ENOX1: variants seen among roughly 807,000 people sequenced by gnomAD.
ENOX1 encodes the protein candidate growth-related and time keeping constitutive hydroquinone (NADH) oxidase.
A neutral mutation model predicts 82.5 loss-of-function variants in ENOX1; 42 were observed. The observed-to-expected ratio is 0.51, with a 90% CI of 0.40 to 0.66. ENOX1 has a LOEUF of 0.66. Among genes scored for constraint, ENOX1 ranks in the 30% least tolerant of loss-of-function variants. The pLI is 0.00. For synonymous variants in ENOX1, 271 were observed against 282.2 expected, an observed-to-expected ratio of 0.96 and a Z score of 0.40; for missense variants, 608 against 811.6, an observed-to-expected ratio of 0.75 and a Z score of 3.05.
chr13:43,411,099 G>C (rs1363747510), intron 5 of ENOX1, among the ~76,000 whole-genome samples: 1 of 152,086 alleles, frequency 6.6e-6, no homozygotes, highest in African/African-American at 2.4e-5. Flanking sequence ...CCCAGTGACC[G>C]ATCTGATTAT....
intron 2 of ENOX1, among the ~76,000 whole-genome samples, chr13:43,566,084 C>T (rs553189713): frequency 1.1e-4 from 17 of 152,226 alleles, no homozygotes; most frequent in African/African-American, 3.8e-4. Context: ...TGCATGTTTT[C>T]CTGAGCCAAG....
In ENOX1 at chr13:43,495,411, C is replaced by T. The variant is rs541622729; in HGVS notation, c.-218-11259G>A. Among the ~76,000 whole-genome samples the T allele has an allele frequency of 4.6e-5, 7 of 152,144 alleles. No homozygotes were observed. The South Asian group carries it at 8.3e-4, about 18-fold the overall frequency. On this transcript the variant is annotated intron_variant, in intron 2 of 16. Coordinates refer to ENST00000690772, the MANE Select transcript of ENOX1 (RefSeq NM_001347969.2). ...TACTTGAACTCTGTATATAATCATA[C>T]GGTATACCAGATAGCATATGTTCTT...
At chr13:43,491,018 C>A (rs754554402) in intron 2 of ENOX1, among the ~76,000 whole-genome samples, 66 of 152,138 alleles carry the variant, frequency 4.3e-4, no homozygotes, top group Non-Finnish European at 7.5e-4. Context: ...CTGGGTAATT[C>A]ATAAGCAAAA....
At chr13:43,407,650 C>T (rs2153595690) in intron 5 of ENOX1, among the ~76,000 whole-genome samples, 1 of 152,272 alleles carries the variant, frequency 6.6e-6, no homozygotes, top group Middle Eastern at 3.4e-3. Flanking sequence ...CTACTTATTG[C>T]ACATTAGCAT....
chr13:43,440,965 T>C (rs1174160710), intron 3 of ENOX1, among the ~76,000 whole-genome samples: 1 of 152,214 alleles, frequency 6.6e-6, no homozygotes, highest in Admixed American at 6.5e-5. Context: ...CTCTGTGGTA[T>C]TCTTGCCAAA....
chr13:43,389,989 T>C (rs2153581140), intron 5 of ENOX1, among the ~76,000 whole-genome samples: 1 of 152,238 alleles, frequency 6.6e-6, no homozygotes, highest in South Asian at 2.1e-4. Context: ...AAAGAACAAA[T>C]AACTTATGTG....
chr13:43,217,602 C>A (rs929704189), intron 16 of ENOX1, among the ~76,000 whole-genome samples: 1 of 152,088 alleles, frequency 6.6e-6, no homozygotes, highest in Admixed American at 6.5e-5. Context: ...CAAGCAAGTG[C>A]CCCCCTCACT....
At chr13:43,713,116 G>C (rs2087850424) in intron 1 of ENOX1, among the ~76,000 whole-genome samples, 2 of 152,138 alleles carry the variant, frequency 1.3e-5, no homozygotes, top group Admixed American at 6.5e-5. Context: ...AGAGTTTTTA[G>C]CATGAAGGGT....
intron 5 of ENOX1, among the ~76,000 whole-genome samples, chr13:43,373,979 A>G (rs2051426799): frequency 6.6e-6 from 1 of 152,180 alleles, no homozygotes; most frequent in Admixed American, 6.5e-5. Flanking sequence ...AATTCCTCAC[A>G]TGAAAAACAT....
intron 14 of ENOX1, among the ~76,000 whole-genome samples, chr13:43,259,071 T>C (rs1250158865): frequency 1.3e-5 from 2 of 152,164 alleles, no homozygotes; most frequent in African/African-American, 2.4e-5. Context: ...GTAACAGTAA[T>C]GTCTAACACA....
intron 12 of ENOX1, among the ~76,000 whole-genome samples, chr13:43,289,331 C>A (rs986999127): frequency 1.3e-5 from 2 of 152,072 alleles, no homozygotes; most frequent in African/African-American, 4.8e-5. Context: ...TACTAAAAAA[C>A]CACAGCAACC....
intron 2 of ENOX1, among the ~76,000 whole-genome samples, chr13:43,513,724 A>T (rs1171453474): frequency 3.3e-5 from 5 of 152,150 alleles, no homozygotes; most frequent in Non-Finnish European, 7.4e-5. Context: ...TATGAGATTT[A>T]TTATAATGAG....
At chr13:43,433,560 T>C (rs771451921) in intron 3 of ENOX1, among the ~76,000 whole-genome samples, 28 of 152,186 alleles carry the variant, frequency 1.8e-4, no homozygotes, top group Non-Finnish European at 3.1e-4. Context: ...AAAAAATACA[T>C]ACACATATAT....
At chr13:43,556,709 A>C (rs936715433) in intron 2 of ENOX1, among the ~76,000 whole-genome samples, 4 of 151,736 alleles carry the variant, frequency 2.6e-5, no homozygotes, top group African/African-American at 4.9e-5. Context: ...GAAAGTTCCC[A>C]GAAGGTTCTA....
intron 12 of ENOX1, among the ~76,000 whole-genome samples, chr13:43,296,758 G>A (rs1008701535): frequency 6.6e-6 from 1 of 152,208 alleles, no homozygotes. Context: ...CTTCTTTTAG[G>A]TTTGAATTTG....
intron 11 of ENOX1, among the ~76,000 whole-genome samples, chr13:43,306,720 T>C (rs74065038): frequency 0.021 from 3,228 of 152,354 alleles, 52 homozygotes; most frequent in Non-Finnish European, 0.028. Context: ...TCCTCCCATC[T>C]TACAAATGTC....
chr13:43,547,772 A>G (rs1423110516), intron 2 of ENOX1: 3 of 152,206 alleles, frequency 2.0e-5, no homozygotes, highest in Non-Finnish European at 4.4e-5. Flanking sequence ...CAAACCCAAT[A>G]TTGAGGCTAA....
intron 2 of ENOX1, among the ~76,000 whole-genome samples, chr13:43,581,322 C>G (rs372863865): frequency 3.1e-4 from 46 of 150,728 alleles, no homozygotes; most frequent in African/African-American, 1.1e-3. Context: ...TTAGTAGAGA[C>G]GGGGTTTCAC....
intron 2 of ENOX1, among the ~76,000 whole-genome samples, chr13:43,538,586 T>C (rs1242040218): frequency 1.3e-5 from 2 of 152,218 alleles, no homozygotes; most frequent in Non-Finnish European, 2.9e-5. Flanking sequence ...TTAATTCCAA[T>C]TTGCTCATGT....
Sources: gnomAD v4.1 joint callset for allele counts (sites outside exome capture counted in the v4.1 genomes callset) on GRCh38, gnomAD v4.1.1 for gene constraint, MANE v1.5 for transcripts, NCBI Gene and HGNC (gene_info 2026-07-23, HGNC 2026-07-21) for gene names.